PRKAA1: variants seen among roughly 807,000 people sequenced by gnomAD.
PRKAA1 encodes 5'-AMP-activated protein kinase catalytic subunit alpha-1.
In PRKAA1, 23 loss-of-function variants were observed where a neutral mutation model predicts 56.9. That is an observed-to-expected ratio of 0.40 (90% CI 0.29 to 0.57). The LOEUF is 0.57. Among genes scored for constraint, PRKAA1 ranks in the 20% least tolerant of loss-of-function variants. The pLI is 0.39. For synonymous variants in PRKAA1, 226 were observed against 227.0 expected (o/e 1.00, Z 0.04); for missense variants, 413 against 679.7 (o/e 0.61, Z 4.36).
chr5:40,798,000 G>A (rs1745017901), intron 1 of PRKAA1, 63 bp downstream of exon 1: 9 of 1,579,314 alleles, frequency 5.7e-6, no homozygotes, highest in Non-Finnish European at 6.9e-6. Context: ...ATGAAGAGGT[G>A]CGGAAAGCGG....
At chr5:40,790,761 A>G (rs1451088075) in intron 1 of PRKAA1, among the ~76,000 whole-genome samples, 1 of 152,104 alleles carries the variant, frequency 6.6e-6, no homozygotes, top group Non-Finnish European at 1.5e-5. Context: ...GATGGTCTCA[A>G]TATCTTGAGC....
At chr5:40,788,176 G>T (rs114199545) in intron 1 of PRKAA1, among the ~76,000 whole-genome samples, 120 of 152,220 alleles carry the variant, frequency 7.9e-4, no homozygotes, top group African/African-American at 2.8e-3. Flanking sequence ...AAACAGACAT[G>T]TCCACCAATG....
intron 1 of PRKAA1, among the ~76,000 whole-genome samples, chr5:40,795,866 T>C (rs1241253332): frequency 6.6e-6 from 1 of 152,208 alleles, no homozygotes; most frequent in African/African-American, 2.4e-5. Flanking sequence ...AATATGGTAC[T>C]CCAAGAGAAG....
Position 40,798,281 on chromosome 5 carries a change from G to T in PRKAA1, c.-92C>A. Reference sequence around the variant, plus strand: ...GACGCGGGAGGGCAGCCACCGAGCCGAGTCACCGCCCTGCGCCGCCAGCCC... The same window carrying T: ...GACGCGGGAGGGCAGCCACCGAGCCTAGTCACCGCCCTGCGCCGCCAGCCC... On this transcript the variant is annotated 5_prime_UTR_variant, in exon 1 of 9. Coordinates refer to ENST00000397128, the MANE Select transcript of PRKAA1 (RefSeq NM_006251.6). The T allele has an allele frequency of 1.4e-6, 1 of 721,678 alleles. No individual in the cohort carries two copies. Among genetic ancestry groups the T allele is most frequent in the Non-Finnish European group, 2.0e-6 (1 of 512,120 alleles). The allele number at this position is 721,678 out of a possible 1,614,324, so 44.7% of individuals were successfully genotyped here.
intron 3 of PRKAA1, among the ~76,000 whole-genome samples, chr5:40,772,393 G>A (rs1743786748): frequency 6.6e-6 from 1 of 152,160 alleles, no homozygotes; most frequent in African/African-American, 2.4e-5. Context: ...GTGAGTGATA[G>A]TGGGGTGAGG....
At chr5:40,796,191 C>T (rs1561193110) in intron 1 of PRKAA1, among the ~76,000 whole-genome samples, 1 of 152,076 alleles carries the variant, frequency 6.6e-6, no homozygotes, top group Middle Eastern at 3.2e-3. Context: ...TGGTGGGCGC[C>T]TGTAATTCCA....
intron 6 of PRKAA1, 46 bp from the exon 7 acceptor site, chr5:40,765,284 T>C (rs753940738): frequency 6.5e-7 from 1 of 1,536,346 alleles, no homozygotes; most frequent in Non-Finnish European, 8.8e-7. Flanking sequence ...TGAATAGAGC[T>C]GAGACTGAAA....
Position 40,779,131 on chromosome 5 carries a change from G to GA in PRKAA1, c.128-1546dup, listed in dbSNP as rs35802811. ...TTTTAAATGCAGTTAAAAATAAAGG[G>GA]AAAAAAAAAATCAAGTCATTTTATC... On this transcript the variant is annotated intron_variant, in intron 1 of 8. Transcript: ENST00000397128. 7.5e-3 allele frequency among the ~76,000 whole-genome samples: 1,099 copies of GA among 147,388 alleles called. 14 individuals are homozygous for GA. Among genetic ancestry groups the GA allele is most frequent in the East Asian group, 0.028 (142 of 5,102 alleles).
intron 1 of PRKAA1, 115 bp downstream of exon 1, chr5:40,797,948 C>T (rs2112121087): frequency 5.4e-6 from 8 of 1,480,052 alleles, no homozygotes; most frequent in Non-Finnish European, 7.2e-6. Flanking sequence ...GGGACAGGGG[C>T]TGCCCAGCCC....
intron 4 of PRKAA1, 148 bp from the exon 5 acceptor site, chr5:40,769,651 A>G: frequency 1.6e-6 from 1 of 633,974 alleles, no homozygotes; most frequent in Admixed American, 3.1e-5. Context: ...ATTGTAGCCA[A>G]ATATTCTGCC....
chr5:40,786,254 CAAA>C (rs35972942), intron 1 of PRKAA1, among the ~76,000 whole-genome samples: 6 of 123,812 alleles, frequency 4.8e-5, no homozygotes, highest in Middle Eastern at 4.2e-3. Flanking sequence ...GACTCCGTCT[CAAA>C]AAAAAAAAAA....
At chr5:40,768,915 A>C in intron 5 of PRKAA1, 1 of 1,547,336 alleles carries the variant, frequency 6.5e-7, no homozygotes, top group East Asian at 2.3e-5. Flanking sequence ...TGAGAGGTTA[A>C]AATTCTTATA....
At position 40,794,859 on chromosome 5, in the gene PRKAA1, A is replaced by G. The variant is rs187225985; in HGVS notation, c.127+3204T>C. ...AGTAGAACTACCATTTGATCCAGCA[A>G]TCTCTTCTGAAAAGAAGTCATTATT... On this transcript the variant is annotated intron_variant, in intron 1 of 8. Transcript: ENST00000397128. Among the ~76,000 whole-genome samples, 40 of 66,996 alleles carry G rather than the reference A, an allele frequency of 6.0e-4. 7 individuals carry two copies. Among genetic ancestry groups the G allele is most frequent in the African/African-American group, 1.5e-3 (38 of 25,060 alleles). 44.0% of individuals were successfully genotyped at this position (66,996 alleles called of 152,430 possible).
intron 2 of PRKAA1, among the ~76,000 whole-genome samples, chr5:40,775,782 A>C (rs577797460): frequency 6.6e-6 from 1 of 152,320 alleles, no homozygotes; most frequent in Non-Finnish European, 1.5e-5. Flanking sequence ...AAAGCCTCTA[A>C]TAAAGTAACA....
At chr5:40,795,225 T>A (rs1407704694) in intron 1 of PRKAA1, among the ~76,000 whole-genome samples, 2 of 151,954 alleles carry the variant, frequency 1.3e-5, no homozygotes, top group African/African-American at 4.8e-5. Context: ...CAGTGGACTA[T>A]GGGGACTTGA....
At chr5:40,797,806 C>A (rs926176475) in intron 1 of PRKAA1, among the ~76,000 whole-genome samples, 27 of 152,146 alleles carry the variant, frequency 1.8e-4, no homozygotes, top group Non-Finnish European at 3.7e-4. Flanking sequence ...CCCAGCCCCT[C>A]GTACCTACCA....
At chr5:40,792,002 A>G (rs1276004903) in intron 1 of PRKAA1, among the ~76,000 whole-genome samples, 1 of 152,254 alleles carries the variant, frequency 6.6e-6, no homozygotes, top group South Asian at 2.1e-4. Context: ...ATATATTTTG[A>G]TAACACAATA....
intron 5 of PRKAA1, 116 bp from the exon 6 acceptor site, chr5:40,767,806 T>C (rs1051078254): frequency 1.4e-5 from 11 of 813,886 alleles, no homozygotes; most frequent in African/African-American, 1.7e-5. Context: ...ATGGTTTTTA[T>C]AGCCACTACT....
At chr5:40,797,315 T>G (rs1302370801) in intron 1 of PRKAA1, among the ~76,000 whole-genome samples, 1 of 152,118 alleles carries the variant, frequency 6.6e-6, no homozygotes, top group Non-Finnish European at 1.5e-5. Flanking sequence ...ACTAATAAAG[T>G]AATAAATACT....
Sources: gnomAD v4.1 joint callset for allele counts (sites outside exome capture counted in the v4.1 genomes callset) on GRCh38, gnomAD v4.1.1 for gene constraint, MANE v1.5 for transcripts, NCBI Gene and HGNC (gene_info 2026-07-23, HGNC 2026-07-21) for gene names.